The following CHD9 variants were observed in gnomAD, a reference collection of about 807,000 sequenced individuals.
CHD9 encodes the protein ATP-dependent chromatin remodeler CHD9.
A neutral mutation model predicts 316.1 loss-of-function variants in CHD9; 77 were observed. The observed-to-expected ratio is 0.24, with a 90% confidence interval of 0.20 to 0.29. CHD9 has a LOEUF of 0.29. Among genes scored for constraint, CHD9 ranks in the 10% least tolerant of loss-of-function variants. The pLI is 1.00. For missense variants in CHD9, 2,763 were observed against 3,438.1 expected (o/e 0.80, Z 4.91); for synonymous variants, 1,129 against 1,158.3 (o/e 0.97, Z 0.51).
chr16:53,301,483 A>T (rs1038771228), intron 30 of CHD9, among the ~76,000 whole-genome samples: 3 of 152,218 alleles, frequency 2.0e-5, no homozygotes, highest in African/African-American at 7.2e-5. Context: ...GTAATTATTT[A>T]AAAACATAAC....
At chr16:53,117,426 A>ATATATATT (rs1555486478) in intron 1 of CHD9, among the ~76,000 whole-genome samples, 1 of 144,698 alleles carries the variant, frequency 6.9e-6, no homozygotes, top group African/African-American at 2.5e-5. Flanking sequence ...ATATATATAT[A>ATATATATT]TTTTTGGAAA....
chr16:53,123,669 T>G (rs1435839074), intron 1 of CHD9, among the ~76,000 whole-genome samples: 1 of 151,884 alleles, frequency 6.6e-6, no homozygotes, highest in African/African-American at 2.4e-5. Flanking sequence ...GCCTGGCAAA[T>G]TTTTGTATTT....
Position 53,156,003 on chromosome 16 carries a change from C to T in CHD9, c.-87C>T, listed in dbSNP as rs191572755. ...CTGTTTTGGATTAGTTGATGACCTT[C>T]GGAAATGATCCAATAATATCTACTA... On this transcript the variant is annotated 5_prime_UTR_variant, in exon 2 of 39. Transcript: ENST00000447540. 1.0e-4 allele frequency: 131 copies of T among 1,275,482 alleles called. No individual in the cohort carries two copies. Among genetic ancestry groups the T allele is most frequent in the African/African-American group, 1.3e-4 (9 of 66,876 alleles). The allele number at this position is 1,275,482 out of a possible 1,614,324, so 79.0% of individuals were successfully genotyped here. A position where few individuals can be genotyped will look rare whatever the true frequency, so the allele number is the denominator to read the frequency against.
intron 27 of CHD9, among the ~76,000 whole-genome samples, chr16:53,289,778 T>G (rs1205450577): frequency 2.6e-5 from 4 of 152,172 alleles, no homozygotes; most frequent in South Asian, 2.1e-4. Context: ...GATCCAGACT[T>G]TGGTAGGAGG....
At chr16:53,139,386 TATA>T (rs1427263071) in intron 1 of CHD9, among the ~76,000 whole-genome samples, 3 of 152,182 alleles carry the variant, frequency 2.0e-5, no homozygotes, top group African/African-American at 7.2e-5. Context: ...GTGCTAATCA[TATA>T]ATAAATACTA....
chr16:53,112,292 G>T (rs1432225493), intron 1 of CHD9, among the ~76,000 whole-genome samples: 1 of 152,194 alleles, frequency 6.6e-6, no homozygotes, highest in East Asian at 1.9e-4. Context: ...AATTTAAGTA[G>T]TCCCTTCCAT....
intron 2 of CHD9, among the ~76,000 whole-genome samples, chr16:53,173,557 T>C (rs1410343613): frequency 6.6e-6 from 1 of 152,150 alleles, no homozygotes; most frequent in Non-Finnish European, 1.5e-5. Context: ...TTTATTTTTT[T>C]TTTTTAAGAC....
At chr16:53,202,362 ATTTTGTTGAGGTCTTTT>A (rs2045531498) in intron 2 of CHD9, among the ~76,000 whole-genome samples, 1 of 149,984 alleles carries the variant, frequency 6.7e-6, no homozygotes, top group African/African-American at 2.4e-5. Flanking sequence ...CACATGTTGC[ATTTTGTTGAGGTCTTTT>A]AAGTTTCTCT....
At chr16:53,162,285 G>T (rs1303915742) in intron 2 of CHD9, among the ~76,000 whole-genome samples, 2 of 152,154 alleles carry the variant, frequency 1.3e-5, no homozygotes, top group Admixed American at 1.3e-4. Flanking sequence ...AAGAAAAAAA[G>T]TGAGAAGCTA....
At chr16:53,106,110 G>A (rs535397939) in intron 1 of CHD9, among the ~76,000 whole-genome samples, 92 of 152,226 alleles carry the variant, frequency 6.0e-4, no homozygotes, top group African/African-American at 1.9e-3. Context: ...GTGAGCCACC[G>A]CACCTGGCTC....
intron 2 of CHD9, among the ~76,000 whole-genome samples, chr16:53,172,767 A>G (rs2042858540): frequency 6.6e-6 from 1 of 152,138 alleles, no homozygotes; most frequent in Non-Finnish European, 1.5e-5. Flanking sequence ...TATTTCCTTA[A>G]TGATTCATGA....
In CHD9 at chr16:53,304,570, C is replaced by A. The variant is rs765090667; in HGVS notation, c.6564C>A (p.Ser2188=). The A allele has an allele frequency of 1.3e-6, 2 of 1,545,462 alleles. No homozygotes were observed. Among genetic ancestry groups the A allele is most frequent in the South Asian group, 2.4e-5 (2 of 83,876 alleles). Residue 2188 remains serine, a synonymous_variant, in exon 31 of 39, where the codon TCC becomes TCA. Coordinates refer to ENST00000447540, the MANE Select transcript of CHD9 (RefSeq NM_001308319.2). Reference sequence around the variant, plus strand: ...CCTCCACCTCTTCCTCCTCCTCCTCCTCTTCATCTTCATCAGAAGAAAGTG... The same window carrying A: ...CCTCCACCTCTTCCTCCTCCTCCTCATCTTCATCTTCATCAGAAGAAAGTG... ...SSSSTSSSSS[S]SSSSSEESDS... is the part of the protein sequence containing the mutation.
intron 1 of CHD9, among the ~76,000 whole-genome samples, chr16:53,133,968 A>G (rs2039527294): frequency 6.6e-6 from 1 of 152,214 alleles, no homozygotes; most frequent in South Asian, 2.1e-4. Context: ...TATCAATAGT[A>G]AAACAAAATT....
intron 1 of CHD9, among the ~76,000 whole-genome samples, chr16:53,149,565 C>T (rs968090126): frequency 3.4e-5 from 5 of 144,954 alleles, no homozygotes; most frequent in Non-Finnish European, 7.5e-5. Flanking sequence ...CTCTGTCTCT[C>T]GTACCCAGCC....
intron 18 of CHD9, among the ~76,000 whole-genome samples, chr16:53,255,342 C>T (rs1241400931): frequency 6.6e-6 from 1 of 151,996 alleles, no homozygotes; most frequent in Admixed American, 6.6e-5. Context: ...AAGAAAAGAA[C>T]CTTGAAAGAT....
intron 30 of CHD9, among the ~76,000 whole-genome samples, chr16:53,297,649 C>G (rs1321046227): frequency 6.6e-6 from 1 of 152,200 alleles, no homozygotes; most frequent in Non-Finnish European, 1.5e-5. Flanking sequence ...AGGAATTGTT[C>G]TGGGATGCAT....
chr16:53,151,392 T>A (rs1192788790), intron 1 of CHD9, among the ~76,000 whole-genome samples: 8 of 151,872 alleles, frequency 5.3e-5, no homozygotes, highest in Admixed American at 5.3e-4. Flanking sequence ...TAGCTGGGAT[T>A]ACAGGCGCCT....
chr16:53,266,988 A>C (rs2051758567), intron 20 of CHD9, among the ~76,000 whole-genome samples: 1 of 152,190 alleles, frequency 6.6e-6, no homozygotes, highest in African/African-American at 2.4e-5. Context: ...TTAGGTAAAG[A>C]AAAATTATAA....
chr16:53,174,249 A>G (rs946687939), intron 2 of CHD9, among the ~76,000 whole-genome samples: 1 of 152,218 alleles, frequency 6.6e-6, no homozygotes, highest in Non-Finnish European at 1.5e-5. Context: ...GTGCCACTAC[A>G]GACTGCAGTC....
Sources: gnomAD v4.1 joint callset for allele counts (sites outside exome capture counted in the v4.1 genomes callset) on GRCh38, gnomAD v4.1.1 for gene constraint, MANE v1.5 for transcripts, NCBI Gene and HGNC (gene_info 2026-07-23, HGNC 2026-07-21) for gene names.